The following MTMR7 variants were observed in gnomAD, a reference collection of about 807,000 sequenced individuals.
The protein encoded by MTMR7 is myotubularin related protein 7, also known as phosphatidylinositol-3-phosphate phosphatase MTMR7.
Under a neutral mutation model 81.2 loss-of-function variants are expected in MTMR7, and 76 were observed. That is an observed-to-expected ratio of 0.94 (90% CI 0.78 to 1.13). MTMR7 has a LOEUF of 1.13. Among genes scored for constraint, MTMR7 ranks in the 50% most tolerant of loss-of-function variants. The probability of loss-of-function intolerance (pLI) is 0.00; values close to 1 mark genes in which losing one functional copy is unlikely to be tolerated. For missense variants in MTMR7, 1,044 were observed against 820.0 expected, an observed-to-expected ratio of 1.27 and a Z score of -3.34; for synonymous variants, 372 against 289.8, an observed-to-expected ratio of 1.28 and a Z score of -2.88.
intron 5 of MTMR7, among the ~76,000 whole-genome samples, chr8:17,344,495 C>A (rs1035142990): frequency 3.9e-5 from 6 of 152,094 alleles, no homozygotes; most frequent in African/African-American, 1.2e-4. Flanking sequence ...CCTGTAATCC[C>A]AGCTGCTTGG....
intron 1 of MTMR7, among the ~76,000 whole-genome samples, chr8:17,412,499 T>A (rs1821761949): frequency 6.6e-6 from 1 of 152,188 alleles, no homozygotes; most frequent in South Asian, 2.1e-4. Context: ...CATTCTAAAT[T>A]AGATTATCAG....
intron 1 of MTMR7, among the ~76,000 whole-genome samples, chr8:17,393,460 T>C (rs766689923): frequency 3.3e-5 from 5 of 152,288 alleles, no homozygotes; most frequent in South Asian, 2.1e-4. Context: ...AAGAAAATAT[T>C]TGCAAGTCAC....
At chr8:17,383,463 T>C (rs1313685422) in intron 1 of MTMR7, among the ~76,000 whole-genome samples, 1 of 152,124 alleles carries the variant, frequency 6.6e-6, no homozygotes, top group Non-Finnish European at 1.5e-5. Flanking sequence ...GAAAAATCAA[T>C]CAACTGCCCA....
intron 3 of MTMR7, among the ~76,000 whole-genome samples, chr8:17,367,375 G>C (rs184478238): frequency 1.3e-3 from 200 of 152,184 alleles, no homozygotes; most frequent in Middle Eastern, 3.4e-3. Context: ...AGAGAGGAGA[G>C]AGGACATGGG....
intron 1 of MTMR7, among the ~76,000 whole-genome samples, chr8:17,405,814 G>A (rs1271644892): frequency 6.8e-6 from 1 of 146,046 alleles, no homozygotes; most frequent in Non-Finnish European, 1.5e-5. Context: ...TTAAAAAACA[G>A]GTTCTCATTC....
At chr8:17,388,979 G>C (rs1318738807) in intron 1 of MTMR7, among the ~76,000 whole-genome samples, 2 of 152,176 alleles carry the variant, frequency 1.3e-5, no homozygotes, top group South Asian at 2.1e-4. Context: ...TCTGGGAAAT[G>C]AGTATAAAGC....
chr8:17,373,159 T>G lies in MTMR7; in HGVS notation c.106A>C (p.Ile36Leu). 1 of 1,613,908 alleles carries G rather than the reference T, an allele frequency of 6.2e-7. No individual in the cohort carries two copies. The highest frequency in any genetic ancestry group is 1.7e-5 in the Admixed American group (1 of 60,008). Reference protein sequence around the residue: ...GTLYLTATHVIFVENSPDPRK... With the variant: ...GTLYLTATHVLFVENSPDPRK... ...GGGTCAGGTGAATTTTCCACGAATA[T>G]GACATGGGTAGCCGTCAAATACAAA... is the stretch of plus-strand genomic sequence containing the variant. Residue 36 changes from isoleucine (I) to leucine (L), a missense_variant, in exon 2 of 14, where the codon ATA becomes CTA. Physicochemically the swap from Ile to Leu is conservative, Grantham distance 5 (BLOSUM62 2). Coordinates refer to ENST00000180173, the MANE Select transcript of MTMR7 (RefSeq NM_004686.5).
chr8:17,381,873 A>G (rs1410442196), intron 1 of MTMR7, among the ~76,000 whole-genome samples: 1 of 152,234 alleles, frequency 6.6e-6, no homozygotes, highest in Non-Finnish European at 1.5e-5. Flanking sequence ...GTGAGTCAAG[A>G]GGCCTGGGCT....
rs1816985291 is a variant in MTMR7, at chr8:17,299,808, G to A, written c.*54C>T. ...TTACAATAAACCACCTTGTTCCCTT[G>A]TTTTTGGAAGTGTTGCTTATGTGTC... On this transcript the variant is annotated 3_prime_UTR_variant, in exon 14 of 14. Coordinates refer to ENST00000180173, the MANE Select transcript of MTMR7 (RefSeq NM_004686.5). 3.1e-6 allele frequency: 5 copies of A among 1,591,414 alleles called. No individual in the cohort carries two copies. The East Asian group carries it at 1.1e-4, about 36-fold the overall frequency.
At chr8:17,335,111 C>T (rs535731001) in intron 6 of MTMR7, among the ~76,000 whole-genome samples, 174 of 152,244 alleles carry the variant, frequency 1.1e-3, no homozygotes, top group Non-Finnish European at 2.1e-3. Flanking sequence ...AAACTGGAGA[C>T]TGATTTAGTG....
Position 17,361,246 on chromosome 8 carries a change from T to C in MTMR7, c.339A>G (p.Ser113=), listed in dbSNP as rs144423444. 6.2e-7 allele frequency: 1 copy of C among 1,614,188 alleles called. No individual in the cohort carries two copies. Among genetic ancestry groups the C allele is most frequent in the Admixed American group, 1.7e-5 (1 of 60,016 alleles). Reference sequence around the variant, plus strand: ...CTTCTTTATCCAGCATGGGGTTGAATGAAAAGCAGTATAACTCCTCATATT... The same window carrying C: ...CTTCTTTATCCAGCATGGGGTTGAACGAAAAGCAGTATAACTCCTCATATT... ...PVKYEELYCF[S]FNPMLDKEER... is the part of the protein sequence containing the mutation. The change falls in exon 4 of 14, where the codon TCA becomes TCG. Residue 113 remains serine (S), a synonymous_variant. Transcript: ENST00000180173.
intron 1 of MTMR7, among the ~76,000 whole-genome samples, chr8:17,374,261 G>A (rs1820504359): frequency 6.6e-6 from 1 of 152,196 alleles, no homozygotes; most frequent in Non-Finnish European, 1.5e-5. Flanking sequence ...CGAGGCGAGT[G>A]GATCACCTGA....
At chr8:17,401,875 A>T (rs1821438931) in intron 1 of MTMR7, among the ~76,000 whole-genome samples, 1 of 152,192 alleles carries the variant, frequency 6.6e-6, no homozygotes, top group South Asian at 2.1e-4. Context: ...TTATTTTAAT[A>T]AGATCCAGGT....
intron 10 of MTMR7, 118 bp downstream of exon 10, chr8:17,309,159 T>C: frequency 1.4e-6 from 1 of 692,098 alleles, no homozygotes; most frequent in Non-Finnish European, 2.5e-6. Context: ...ATTTAAGCTT[T>C]CTGAATAAGA....
At chr8:17,410,398 G>A (rs556976601) in intron 1 of MTMR7, among the ~76,000 whole-genome samples, 23 of 150,428 alleles carry the variant, frequency 1.5e-4, no homozygotes, top group Non-Finnish European at 3.1e-4. Flanking sequence ...ACTTCCAGGA[G>A]CCCTGAAGTC....
intron 1 of MTMR7, among the ~76,000 whole-genome samples, chr8:17,374,631 A>ATAAATAAG (rs1563365866): frequency 6.6e-6 from 1 of 151,948 alleles, no homozygotes; most frequent in Non-Finnish European, 1.5e-5. Flanking sequence ...AAATAAATAA[A>ATAAATAAG]TAAATAAATA....
intron 7 of MTMR7, among the ~76,000 whole-genome samples, chr8:17,318,269 A>C (rs1818202825): frequency 6.6e-6 from 1 of 152,104 alleles, no homozygotes; most frequent in African/African-American, 2.4e-5. Flanking sequence ...AATCTCACAG[A>C]CACCCAGCAG....
chr8:17,315,572 T>C (rs1423087076), intron 7 of MTMR7, among the ~76,000 whole-genome samples: 1 of 152,194 alleles, frequency 6.6e-6, no homozygotes. Context: ...CAGGCAGGGC[T>C]AGCTGGGACT....
intron 1 of MTMR7, among the ~76,000 whole-genome samples, chr8:17,384,324 T>C (rs868739782): frequency 2.0e-5 from 3 of 152,140 alleles, no homozygotes; most frequent in African/African-American, 4.8e-5. Flanking sequence ...AGTGGGCAGA[T>C]GGTTTGAGCC....
Sources: gnomAD v4.1 joint callset for allele counts (sites outside exome capture counted in the v4.1 genomes callset) on GRCh38, gnomAD v4.1.1 for gene constraint, MANE v1.5 for transcripts, NCBI Gene and HGNC (gene_info 2026-07-23, HGNC 2026-07-21) for gene names.